The following B4GALT2 variants were observed in gnomAD, a reference collection of about 807,000 sequenced individuals.
The protein encoded by B4GALT2 is N-acetyllactosamine synthase.
B4GALT2 carries 18 observed loss-of-function variants against 33.2 expected under a neutral mutation model. The ratio of observed to expected loss-of-function variants is 0.54; its 90% confidence interval spans 0.38 to 0.80. The LOEUF (loss-of-function observed/expected upper bound fraction) is 0.80, where lower values mean the gene tolerates loss of function less well. Among genes scored for constraint, B4GALT2 ranks in the 30% least tolerant of loss-of-function variants. B4GALT2 has a pLI of 0.00. For missense variants in B4GALT2, 404 were observed against 526.2 expected (o/e 0.77, Z 2.27); for synonymous variants, 214 against 217.6 (o/e 0.98, Z 0.15).
chr1:43,989,519 C>T (rs1300382042), intron 6 of B4GALT2, among the ~76,000 whole-genome samples: 1 of 152,164 alleles, frequency 6.6e-6, no homozygotes, highest in Non-Finnish European at 1.5e-5. Context: ...CAACAGGTTA[C>T]TGGAGGAGCT....
At chr1:43,983,485 C>CT (rs1248435619) in intron 3 of B4GALT2, among the ~76,000 whole-genome samples, 1 of 152,174 alleles carries the variant, frequency 6.6e-6, no homozygotes, top group Non-Finnish European at 1.5e-5. Flanking sequence ...TGGACCAAGA[C>CT]TCGTCCAGTG....
At chr1:43,985,450 G>C (rs755037097) in intron 5 of B4GALT2, 50 bp downstream of exon 5, 1 of 822,530 alleles carries the variant, frequency 1.2e-6, no homozygotes, top group Non-Finnish European at 1.8e-6. Context: ...GGGAGGGGGG[G>C]TGCAGACTGG....
At position 43,982,095 on chromosome 1, in the gene B4GALT2, T is replaced by C. The variant is rs908699179; in HGVS notation, c.549+171T>C. ...CAGTGTGTGCATGTGAATGTTGGCA[T>C]GCACACTGGCAGGTGTGTGCATGGT... On this transcript the variant is annotated intron_variant, in intron 3 of 6. Transcript: ENST00000372324. The surrounding 1 kb of genome is among the most constrained non-coding windows in gnomAD (Gnocchi z 4.3). Among the ~76,000 whole-genome samples, 1 of 152,170 alleles carries C rather than the reference T, an allele frequency of 6.6e-6. No individual in the cohort carries two copies. Among genetic ancestry groups the C allele is most frequent in the Non-Finnish European group, 1.5e-5 (1 of 68,026 alleles).
At chr1:43,990,116 G>A (rs1371736691) in intron 6 of B4GALT2, among the ~76,000 whole-genome samples, 182 bp from the exon 7 acceptor site, 1 of 152,198 alleles carries the variant, frequency 6.6e-6, no homozygotes, top group Non-Finnish European at 1.5e-5. Context: ...AGCTGCAAAA[G>A]GGCGTGGGCA....
intron 5 of B4GALT2, 43 bp downstream of exon 5, chr1:43,985,443 A>AG (rs61096284): frequency 0.18 from 74,034 of 400,406 alleles, 8,190 homozygotes; most frequent in South Asian, 0.36. Context: ...TGGGGGGGGG[A>AG]GGGGGGGTGC....
rs578076215 is a variant in B4GALT2, at chr1:43,979,823, C to T, written c.-53+312C>T. On this transcript the variant is annotated intron_variant, in intron 1 of 6. Coordinates refer to ENST00000372324, the MANE Select transcript of B4GALT2 (RefSeq NM_003780.5). The surrounding 1 kb of genome is among the most constrained non-coding windows in gnomAD (Gnocchi z 4.8). ...GCTGCCCTCCACCCACTCCCCCTGC[C>T]CCCAGGCTCCACACCCACCCGGTCT... is the stretch of plus-strand genomic sequence containing the variant. 67 of 596,104 alleles carry T rather than the reference C, an allele frequency of 1.1e-4. No homozygotes were observed. The highest frequency in any genetic ancestry group is 1.1e-4 in the Non-Finnish European group (37 of 341,344). 36.9% of individuals were successfully genotyped at this position (596,104 alleles called of 1,614,324 possible).
chr1:43,985,104 C>CGCAGGCCCACTT (rs777224042), intron 4 of B4GALT2, 49 bp downstream of exon 4: 8 of 1,598,216 alleles, frequency 5.0e-6, no homozygotes, highest in Non-Finnish European at 1.7e-6. Flanking sequence ...CCCCACCAGA[C>CGCAGGCCCACTT]GCAGGCCCAC....
chr1:43,985,906 C>T, intron 6 of B4GALT2: 1 of 504,688 alleles, frequency 2.0e-6, no homozygotes, highest in East Asian at 3.5e-5. Context: ...ATGTCAGGGC[C>T]TAAATAGTCA....
Position 43,981,865 on chromosome 1 carries a change from T to C in B4GALT2, c.490T>C (p.Tyr164His). ...ACACCACCTGCGCTACTGGCTCCACTATCTACACCCCATCTTGAGGCGGCA... is the reference window on the plus strand; with the variant it reads ...ACACCACCTGCGCTACTGGCTCCACCATCTACACCCCATCTTGAGGCGGCA... ...REHHLRYWLHYLHPILRRQRL... is the reference protein window; with the variant it reads ...REHHLRYWLHHLHPILRRQRL... The change falls in exon 3 of 7, where the codon TAT becomes CAT. Residue 164 changes from tyrosine (Y) to histidine (H), a missense_variant. Tyr to His is a moderately conservative substitution (Grantham distance 83). Coordinates refer to ENST00000372324, the MANE Select transcript of B4GALT2 (RefSeq NM_003780.5). The surrounding 1 kb of genome is among the most constrained non-coding windows in gnomAD (Gnocchi z 8.1). 6.2e-7 allele frequency: 1 copy of C among 1,604,376 alleles called. No individual in the cohort carries two copies. The highest frequency in any genetic ancestry group is 2.3e-5 in the East Asian group (1 of 44,250).
Position 43,985,068 on chromosome 1 carries a change from T to G in B4GALT2, c.740+13T>G. 1 of 1,612,720 alleles carries G rather than the reference T, an allele frequency of 6.2e-7. No individual in the cohort carries two copies. The highest frequency in any genetic ancestry group is 1.1e-5 in the South Asian group (1 of 91,048). ...AGTTTGGCTTCCGGTGAGGGCTCTC[T>G]TCTCAGCTGGACCCAGCCCTCCTGC... is the stretch of plus-strand genomic sequence containing the variant. On this transcript the variant is annotated intron_variant, in intron 4 of 6. Transcript: ENST00000372324.
chr1:43,982,033 G>A lies in B4GALT2; in HGVS notation c.549+109G>A. 1 of 1,077,138 alleles carries A rather than the reference G, an allele frequency of 9.3e-7. No individual in the cohort carries two copies. 66.7% of individuals were successfully genotyped at this position (1,077,138 alleles called of 1,614,324 possible). ...ATGTGGATGGACCTGGGCGTGGGTAGTCGGTGTTTGTCAGTGTGCACAGGA... is the reference window on the plus strand; with the variant it reads ...ATGTGGATGGACCTGGGCGTGGGTAATCGGTGTTTGTCAGTGTGCACAGGA... On this transcript the variant is annotated intron_variant, in intron 3 of 6. Coordinates refer to ENST00000372324, the MANE Select transcript of B4GALT2 (RefSeq NM_003780.5). The surrounding 1 kb of genome is among the most constrained non-coding windows in gnomAD (Gnocchi z 4.3).
chr1:43,985,683 G>A, intron 6 of B4GALT2, 62 bp downstream of exon 6: 1 of 1,523,630 alleles, frequency 6.6e-7, no homozygotes, highest in Non-Finnish European at 9.1e-7. Context: ...CCCAACTCTT[G>A]ACCCCAAGTG....
Position 43,981,694 on chromosome 1 carries a change from A to G in B4GALT2, c.319A>G (p.Arg107Gly), listed in dbSNP as rs1406296171. ...CPDSPPGLVG[R>G]LLIEFTSPMP... ...TGACACTGTCCTGTCTGCAGTGGGCAGACTGCTGATCGAGTTCACCTCACC... is the reference window on the plus strand; with the variant it reads ...TGACACTGTCCTGTCTGCAGTGGGCGGACTGCTGATCGAGTTCACCTCACC... The change falls in exon 3 of 7, where the codon AGA (arginine) becomes GGA (glycine). Residue 107 changes from arginine to glycine, a missense_variant. Arg to Gly is a moderately radical substitution (Grantham distance 125, BLOSUM62 -2). Transcript: ENST00000372324. This position sits in a 1 kb window ranked among gnomAD's most constrained non-coding sequence, Gnocchi z 8.1. 3 of 1,608,706 alleles carry G rather than the reference A, an allele frequency of 1.9e-6. No individual in the cohort carries two copies. In the South Asian group the frequency reaches 3.3e-5, roughly 18 times the overall value.
Position 43,982,020 on chromosome 1 carries a change from C to T in B4GALT2, c.549+96C>T. 3 of 1,269,708 alleles carry T rather than the reference C, an allele frequency of 2.4e-6. No homozygotes were observed. The highest frequency in any genetic ancestry group is 2.7e-5 in the South Asian group (2 of 74,488). The allele number at this position is 1,269,708 out of a possible 1,614,324, so 78.7% of individuals were successfully genotyped here. ...TGCCCGTGTGGATATGTGGATGGAC[C>T]TGGGCGTGGGTAGTCGGTGTTTGTC... is the stretch of plus-strand genomic sequence containing the variant. On this transcript the variant is annotated intron_variant, in intron 3 of 6. Transcript: ENST00000372324. This position sits in a 1 kb window ranked among gnomAD's most constrained non-coding sequence, Gnocchi z 4.3.
In B4GALT2 at chr1:43,990,484, C is replaced by T. The variant is rs772510815; in HGVS notation, c.*36C>T. ...CAGAGGCTCTCGGTGCCGAAGATTG[C>T]CTGCCAGAGGACTGACCACAGCCTG... On this transcript the variant is annotated 3_prime_UTR_variant, in exon 7 of 7. Transcript: ENST00000372324. The T allele has an allele frequency of 3.1e-6, 5 of 1,612,300 alleles. No individual in the cohort carries two copies. The highest frequency in any genetic ancestry group is 4.2e-6 in the Non-Finnish European group (5 of 1,179,468).
intron 4 of B4GALT2, 51 bp downstream of exon 4, chr1:43,985,106 C>T: frequency 6.3e-7 from 1 of 1,599,410 alleles, no homozygotes; most frequent in African/African-American, 1.3e-5. Context: ...CCACCAGACG[C>T]AGGCCCACTT....
chr1:43,981,461 C>A lies in B4GALT2; in HGVS notation c.301C>A (p.Pro101Thr). 1 of 1,580,792 alleles carries A rather than the reference C, an allele frequency of 6.3e-7. No individual in the cohort carries two copies. The highest frequency in any genetic ancestry group is 8.6e-7 in the Non-Finnish European group (1 of 1,167,078). The change falls in exon 2 of 7, where the codon CCA (proline) becomes ACA (threonine). Residue 101 changes from proline (P) to threonine (T), a missense_variant. By Grantham distance (38) the Pro-to-Thr change is conservative. Coordinates refer to ENST00000372324, the MANE Select transcript of B4GALT2 (RefSeq NM_003780.5). The surrounding 1 kb of genome is among the most constrained non-coding windows in gnomAD (Gnocchi z 8.1). ...CACGCTGCCACCCTGTCCTGACTCG[C>A]CACCTGGTCTTGGTGAGCCTGGAGG... ...APTLPPCPDSPPGLVGRLLIE... is the reference protein window; with the variant it reads ...APTLPPCPDSTPGLVGRLLIE...
Position 43,990,776 on chromosome 1 carries a change from T to C in B4GALT2, c.*328T>C. 3.1e-6 allele frequency: 1 copy of C among 326,652 alleles called. No individual in the cohort carries two copies. The highest frequency in any genetic ancestry group is 4.1e-5 in the South Asian group (1 of 24,184). The allele number at this position is 326,652 out of a possible 1,614,324, so 20.2% of individuals were successfully genotyped here. On this transcript the variant is annotated 3_prime_UTR_variant, in exon 7 of 7. Coordinates refer to ENST00000372324, the MANE Select transcript of B4GALT2 (RefSeq NM_003780.5). The stretch of plus-strand genomic sequence containing the variant: ...GGCCTGGGCTAGGTCACTCCACCTC[T>C]CTGTGCCTCAGTTTCCCCCCCTTGA...
At position 43,984,535 on chromosome 1, in the gene B4GALT2, G is replaced by A. The variant is rs375834365; in HGVS notation, c.550-330G>A. Among the ~76,000 whole-genome samples the A allele has an allele frequency of 2.0e-5, 3 of 152,338 alleles. No homozygotes were observed. The highest frequency in any genetic ancestry group is 4.1e-4 in the South Asian group (2 of 4,830). On this transcript the variant is annotated intron_variant, in intron 3 of 6. Transcript: ENST00000372324. This position sits in a 1 kb window ranked among gnomAD's most constrained non-coding sequence, Gnocchi z 5.6. ...GTGGGGAAGTGTGGTCAGGGGAGCC[G>A]CTCCAGCCCTGAGTGTGACAAGCAC...
Sources: gnomAD v4.1 joint callset for allele counts (sites outside exome capture counted in the v4.1 genomes callset) on GRCh38, gnomAD v4.1.1 for gene constraint, Gnocchi (gnomAD v3.1) non-coding constraint, MANE v1.5 for transcripts, NCBI Gene and HGNC (gene_info 2026-07-23, HGNC 2026-07-21) for gene names.